Variants in HACE1 observed in about 807,000 individuals in gnomAD.
The protein encoded by HACE1 is E3 ubiquitin-protein ligase HACE1.
Under a neutral mutation model 118.4 loss-of-function variants are expected in HACE1, and 73 were observed. That is an observed-to-expected ratio of 0.62 (90% CI 0.51 to 0.75). The LOEUF (loss-of-function observed/expected upper bound fraction) is 0.75, where lower values mean the gene tolerates loss of function less well. Among genes scored for constraint, HACE1 ranks in the 30% least tolerant of loss-of-function variants. The probability of loss-of-function intolerance (pLI) is 0.00; values close to 1 mark genes in which losing one functional copy is unlikely to be tolerated. For synonymous variants in HACE1, 368 were observed against 374.8 expected (o/e 0.98, Z 0.21); for missense variants, 749 against 1,102.2 (o/e 0.68, Z 4.54).
At chr6:104,831,998 GGAAGGAAGGA>G (rs1164865782) in intron 6 of HACE1, among the ~76,000 whole-genome samples, 1 of 140,360 alleles carries the variant, frequency 7.1e-6, no homozygotes, top group African/African-American at 2.6e-5. Context: ...AAGGAAGGAA[GGAAGGAAGGA>G]AGGAAGGAAG....
At chr6:104,742,373 C>A (rs1416699551) in intron 22 of HACE1, among the ~76,000 whole-genome samples, 1 of 144,818 alleles carries the variant, frequency 6.9e-6, no homozygotes, top group Non-Finnish European at 1.5e-5. Context: ...AGTGAACAGG[C>A]AACCTACAAA....
chr6:104,827,505 A>T (rs963616732), intron 6 of HACE1, among the ~76,000 whole-genome samples: 4 of 152,232 alleles, frequency 2.6e-5, no homozygotes, highest in African/African-American at 7.2e-5. Flanking sequence ...AATCATTATC[A>T]TCTGGTTGTG....
chr6:104,766,253 G>A (rs540083605), intron 19 of HACE1, among the ~76,000 whole-genome samples: 122 of 152,256 alleles, frequency 8.0e-4, no homozygotes, highest in South Asian at 2.3e-3. Flanking sequence ...GTGTGTTGAA[G>A]AAAAAATATA....
At position 104,771,268 on chromosome 6, in the gene HACE1, A is replaced by C; in HGVS notation, c.2136T>G (p.Thr712=). 1 of 1,613,450 alleles carries C rather than the reference A, an allele frequency of 6.2e-7. No individual in the cohort carries two copies. Among genetic ancestry groups the C allele is most frequent in the Non-Finnish European group, 8.5e-7 (1 of 1,179,370 alleles). ...CCTCTTCCATTGCTCCAAACACATCAGTCTCAACAGAAAAAGTTAGTTCTA... is the reference window on the plus strand; with the variant it reads ...CCTCTTCCATTGCTCCAAACACATCCGTCTCAACAGAAAAAGTTAGTTCTA... The part of the protein sequence containing the change: ...LGLELTFSVE[T]DVFGAMEEVP... Residue 712 remains threonine (T), a synonymous_variant, in exon 19 of 24, where the codon ACT becomes ACG. Transcript: ENST00000262903.
At chr6:104,735,713 T>C (rs974285457) in intron 22 of HACE1, among the ~76,000 whole-genome samples, 2 of 152,142 alleles carry the variant, frequency 1.3e-5, no homozygotes, top group African/African-American at 4.8e-5. Context: ...ATCAATACCC[T>C]TCTAGAAGAT....
chr6:104,851,735 A>C (rs1283838998), intron 2 of HACE1, among the ~76,000 whole-genome samples: 1 of 152,210 alleles, frequency 6.6e-6, no homozygotes, highest in Non-Finnish European at 1.5e-5. Context: ...TAAAACAAAA[A>C]AAAAAATTTT....
chr6:104,857,131 T>A (rs1205769566), intron 1 of HACE1, among the ~76,000 whole-genome samples: 3 of 149,822 alleles, frequency 2.0e-5, no homozygotes, highest in African/African-American at 7.3e-5. Flanking sequence ...TGTGGATTTG[T>A]ATCAGTAGGA....
chr6:104,761,563 A>T (rs780304597), intron 19 of HACE1, among the ~76,000 whole-genome samples: 12 of 152,240 alleles, frequency 7.9e-5, no homozygotes, highest in Non-Finnish European at 1.5e-4. Context: ...CGGATGAAAG[A>T]CTTAAACGTA....
chr6:104,738,237 C>T (rs868429653), intron 22 of HACE1, among the ~76,000 whole-genome samples: 49 of 139,070 alleles, frequency 3.5e-4, no homozygotes, highest in African/African-American at 9.3e-4. Flanking sequence ...ACAGAAAAAC[C>T]GGAAACTCTA....
At chr6:104,762,491 T>C (rs577854001) in intron 19 of HACE1, among the ~76,000 whole-genome samples, 7 of 151,366 alleles carry the variant, frequency 4.6e-5, no homozygotes, top group East Asian at 2.0e-4. Context: ...CAAGTGAGAG[T>C]TGAACAATGA....
intron 21 of HACE1, 40 bp downstream of exon 21, chr6:104,744,472 G>A (rs373950019): frequency 2.6e-6 from 3 of 1,144,904 alleles, no homozygotes; most frequent in Non-Finnish European, 4.0e-6. Context: ...AAATTAAACG[G>A]CAAAACTTAA....
chr6:104,795,174 G>A (rs914660388), intron 10 of HACE1, among the ~76,000 whole-genome samples: 3 of 152,110 alleles, frequency 2.0e-5, no homozygotes, highest in African/African-American at 2.4e-5. Context: ...GGACAGGTCA[G>A]AGAAAAAAAC....
intron 19 of HACE1, among the ~76,000 whole-genome samples, chr6:104,770,140 T>G (rs1229537209): frequency 6.6e-6 from 1 of 152,196 alleles, no homozygotes; most frequent in Admixed American, 6.5e-5. Context: ...AATGGCTCAG[T>G]GAACATTGTT....
chr6:104,757,063 G>A (rs1324700040), intron 19 of HACE1, among the ~76,000 whole-genome samples: 1 of 152,168 alleles, frequency 6.6e-6, no homozygotes, highest in Non-Finnish European at 1.5e-5. Context: ...AGGCAGGGAA[G>A]CTTGAACTGG....
At chr6:104,802,680 C>A (rs1371105588) in intron 7 of HACE1, among the ~76,000 whole-genome samples, 1 of 152,090 alleles carries the variant, frequency 6.6e-6, no homozygotes, top group Non-Finnish European at 1.5e-5. Context: ...AACAAAGACA[C>A]AACATACCAG....
intron 10 of HACE1, among the ~76,000 whole-genome samples, chr6:104,794,157 A>T (rs1783367731): frequency 6.6e-6 from 1 of 152,208 alleles, no homozygotes; most frequent in Non-Finnish European, 1.5e-5. Flanking sequence ...TGGAGATAAC[A>T]TCTAAATTAT....
chr6:104,795,509 TA>T, intron 10 of HACE1, 69 bp downstream of exon 10: 1 of 909,878 alleles, frequency 1.1e-6, no homozygotes, highest in South Asian at 1.3e-5. Flanking sequence ...TCCCACAGAA[TA>T]AACTACTCAG....
At chr6:104,827,780 A>G (rs1219462577) in intron 6 of HACE1, among the ~76,000 whole-genome samples, 1 of 152,162 alleles carries the variant, frequency 6.6e-6, no homozygotes, top group African/African-American at 2.4e-5. Context: ...CTGACTGAAC[A>G]TAGTTGAGCA....
chr6:104,819,757 C>G (rs1406552701), intron 6 of HACE1, among the ~76,000 whole-genome samples: 1 of 152,100 alleles, frequency 6.6e-6, no homozygotes, highest in African/African-American at 2.4e-5. Context: ...ATCTGATCTT[C>G]CACAAACCTG....
Sources: allele counts gnomAD v4.1 joint callset (sites outside exome capture counted in the v4.1 genomes callset), GRCh38; gene constraint gnomAD v4.1.1; transcripts MANE v1.5; gene names NCBI Gene and HGNC (gene_info 2026-07-23, HGNC 2026-07-21).